UTS2B: variants seen among roughly 807,000 people sequenced by gnomAD.
The protein encoded by UTS2B is urotensin-2B.
UTS2B carries 21 observed loss-of-function variants against 19.2 expected under a neutral mutation model. The ratio of observed to expected loss-of-function variants is 1.09; its 90% CI spans 0.78 to 1.58. The LOEUF is 1.58. Ranked by LOEUF, UTS2B falls within the 40% of genes most tolerant of loss-of-function variation. UTS2B has a pLI of 0.00. For missense variants in UTS2B, 138 were observed against 130.3 expected (o/e 1.06, Z -0.29); for synonymous variants, 57 against 50.2 (o/e 1.14, Z -0.58).
chr3:191,305,008 TTC>T (rs1425764782), intron 3 of UTS2B, among the ~76,000 whole-genome samples: 1 of 152,232 alleles, frequency 6.6e-6, no homozygotes, highest in Non-Finnish European at 1.5e-5. Flanking sequence ...CATGATCTTG[TTC>T]TTTTTCATGG....
At chr3:191,303,714 T>C (rs1317163178) in intron 4 of UTS2B, among the ~76,000 whole-genome samples, 1 of 152,200 alleles carries the variant, frequency 6.6e-6, no homozygotes, top group Non-Finnish European at 1.5e-5. Flanking sequence ...ATTATGACAT[T>C]GGATGAGTTC....
intron 7 of UTS2B, 61 bp downstream of exon 7, chr3:191,276,745 CA>C: frequency 7.2e-7 from 1 of 1,395,912 alleles, no homozygotes. Flanking sequence ...AACATTGTGT[CA>C]AGAAGAAATT....
At chr3:191,278,218 T>C in intron 5 of UTS2B, 48 bp from the exon 6 acceptor site, 3 of 1,046,824 alleles carry the variant, frequency 2.9e-6, no homozygotes, top group South Asian at 3.2e-5. Flanking sequence ...ACCGAAAATA[T>C]TTCTAATTAA....
At chr3:191,272,861 C>CT (rs1222682881) in intron 8 of UTS2B, among the ~76,000 whole-genome samples, 2 of 112,034 alleles carry the variant, frequency 1.8e-5, no homozygotes, top group African/African-American at 3.4e-5. Flanking sequence ...AAAACTCCGT[C>CT]TAAAAAAAAA....
the UTS2B span, among the ~76,000 whole-genome samples, chr3:191,341,530 A>G: frequency 6.6e-6 from 1 of 152,060 alleles, no homozygotes; most frequent in Non-Finnish European, 1.5e-5. Context: ...TGCTCTGTAT[A>G]CTCTGTTTAT....
intron 8 of UTS2B, among the ~76,000 whole-genome samples, chr3:191,270,360 C>T (rs1047330962): frequency 1.3e-4 from 20 of 152,228 alleles, no homozygotes; most frequent in African/African-American, 4.8e-4. Context: ...CCACACCAGG[C>T]TAATTTTTTA....
chr3:191,335,282 G>A (rs955727154), upstream of UTS2B, among the ~76,000 whole-genome samples: 1 of 152,198 alleles, frequency 6.6e-6, no homozygotes, highest in Non-Finnish European at 1.5e-5. Flanking sequence ...TTGATCCATA[G>A]AGGAGAAAAC....
intron 3 of UTS2B, among the ~76,000 whole-genome samples, chr3:191,309,328 A>C (rs1418546958): frequency 6.6e-6 from 1 of 150,554 alleles, no homozygotes; most frequent in African/African-American, 2.4e-5. Context: ...CGCCTGGCTA[A>C]GTTTTTGGTT....
At chr3:191,275,849 G>A (rs1037992489) in intron 7 of UTS2B, among the ~76,000 whole-genome samples, 3 of 152,112 alleles carry the variant, frequency 2.0e-5, no homozygotes, top group African/African-American at 7.2e-5. Flanking sequence ...AAGAAAAACA[G>A]GGAGCATGCA....
intron 3 of UTS2B, among the ~76,000 whole-genome samples, chr3:191,305,755 T>C (rs1276054451): frequency 2.0e-5 from 3 of 152,208 alleles, no homozygotes; most frequent in Non-Finnish European, 4.4e-5. Flanking sequence ...ATGTCCTGAA[T>C]GGTATTGCCT....
chr3:191,281,205 G>A (rs556781360), intron 5 of UTS2B, among the ~76,000 whole-genome samples: 1 of 152,242 alleles, frequency 6.6e-6, no homozygotes, highest in Non-Finnish European at 1.5e-5. Flanking sequence ...TAAGCTGAGA[G>A]GAAAAGGTTA....
At chr3:191,298,602 T>A (rs1351855705) in intron 4 of UTS2B, among the ~76,000 whole-genome samples, 1 of 152,242 alleles carries the variant, frequency 6.6e-6, no homozygotes, top group Non-Finnish European at 1.5e-5. Context: ...TAAATTACCC[T>A]GTCTCAGATG....
Position 191,316,816 on chromosome 3 carries a change from G to A in UTS2B, c.-585-377C>T, listed in dbSNP as rs1717467352. ...TGGTGCATTTACAAACCTTGAGCTA[G>A]ACACAGGGTGCTGATTGGTGCATCC... On this transcript the variant is annotated intron_variant, in intron 2 of 8. Coordinates refer to ENST00000340524, the MANE Select transcript of UTS2B (RefSeq NM_198152.5). Among the ~76,000 whole-genome samples, 3 of 152,222 alleles carry A rather than the reference G, an allele frequency of 2.0e-5. 1 individual carries two copies. In the South Asian group the frequency reaches 6.2e-4, roughly 32 times the overall value.
rs1301245046 is a variant in UTS2B at position 191,282,282 on chromosome 3, C to CA, written c.-94dup. On this transcript the variant is annotated 5_prime_UTR_variant, in exon 5 of 9. Coordinates refer to ENST00000340524, the MANE Select transcript of UTS2B (RefSeq NM_198152.5). Reference sequence around the variant, plus strand: ...TTTGGAATTCAGTAGAGCTTAGTTGCAAAAGGCAAGTGTGCCTCAGTTACG... The same window carrying CA: ...TTTGGAATTCAGTAGAGCTTAGTTGCAAAAAGGCAAGTGTGCCTCAGTTACG... 3 of 868,264 alleles carry CA rather than the reference C, an allele frequency of 3.5e-6. No homozygotes were observed. 53.8% of individuals were successfully genotyped at this position (868,264 alleles called of 1,614,324 possible).
rs1021435083 is a variant in UTS2B, at chr3:191,287,123, C to T, written c.-124-4810G>A. ...GATTGGATTGGTAATAAAAAGTCTC[C>T]CATCAAAGAAAAGCCCAGAAAAAAT... On this transcript the variant is annotated intron_variant, in intron 4 of 8. Transcript: ENST00000340524. 3.3e-5 allele frequency among the ~76,000 whole-genome samples: 5 copies of T among 151,980 alleles called. No individual in the cohort carries two copies. The South Asian group carries it at 1.0e-3, about 32-fold the overall frequency.
chr3:191,310,270 A>ATTTT (rs35657398), intron 3 of UTS2B, among the ~76,000 whole-genome samples: 27,364 of 146,946 alleles, frequency 0.19, 2,690 homozygotes, highest in Admixed American at 0.22. Context: ...CCAGCCAGGT[A>ATTTT]TTTTTTTTTT....
chr3:191,268,332 T>C lies in UTS2B; in HGVS notation c.*84A>G. On this transcript the variant is annotated 3_prime_UTR_variant, in exon 9 of 9. Coordinates refer to ENST00000340524, the MANE Select transcript of UTS2B (RefSeq NM_198152.5). ...CATCTTTTATTCCACAGCAATAGTT[T>C]CAGGGGGTCTGCCTACAGCAGAGTG... is the stretch of plus-strand genomic sequence containing the variant. 9.9e-7 allele frequency: 1 copy of C among 1,008,696 alleles called. No homozygotes were observed. Among genetic ancestry groups the C allele is most frequent in the South Asian group, 1.6e-5 (1 of 61,854 alleles). 62.5% of individuals were successfully genotyped at this position (1,008,696 alleles called of 1,614,324 possible).
intron 1 of UTS2B, chr3:191,329,786 G>A (rs918643452): frequency 6.4e-7 from 1 of 1,554,192 alleles, no homozygotes; most frequent in Non-Finnish European, 8.7e-7. Context: ...GTTCTCTCAG[G>A]TCAGGGGCGT....
chr3:191,339,867 T>C, the UTS2B span, among the ~76,000 whole-genome samples: 1 of 152,212 alleles, frequency 6.6e-6, no homozygotes, highest in Non-Finnish European at 1.5e-5. Context: ...GGTTAAAATG[T>C]ACTTGTGGTG....
Sources: gnomAD v4.1 joint callset for allele counts (sites outside exome capture counted in the v4.1 genomes callset) on GRCh38, gnomAD v4.1.1 for gene constraint, MANE v1.5 for transcripts, NCBI Gene and HGNC (gene_info 2026-07-23, HGNC 2026-07-21) for gene names.